RC3H1: variants seen among roughly 807,000 people sequenced by gnomAD.
RC3H1 encodes the protein roquin-1.
In RC3H1, 50 loss-of-function variants were observed where a neutral mutation model predicts 138.2. That is an observed-to-expected ratio of 0.36 (90% CI 0.29 to 0.46). The LOEUF is 0.46. Ranked by LOEUF, RC3H1 falls within the 20% of genes least tolerant of loss-of-function variation. The pLI, the probability that RC3H1 is intolerant of heterozygous loss-of-function variation, is 1.00. For missense variants in RC3H1, 1,031 were observed against 1,388.1 expected (o/e 0.74, Z 4.09); for synonymous variants, 462 against 489.1 (o/e 0.94, Z 0.73).
rs758328348 is a variant in RC3H1 at position 173,947,481 on chromosome 1, T to C, written c.2625A>G (p.Thr875=). 1.9e-6 allele frequency: 3 copies of C among 1,613,892 alleles called. No individual in the cohort carries two copies. The East Asian group carries it at 6.7e-5, about 36-fold the overall frequency. Reference sequence around the variant, plus strand: ...GTGAGATGGCACCAAACCGAGACACTGTTGGTCGGTCTCCAAATGGGATGA... The same window carrying C: ...GTGAGATGGCACCAAACCGAGACACCGTTGGTCGGTCTCCAAATGGGATGA... ...DDLIPFGDRP[T]VSRFGAISRT... Residue 875 remains threonine (T), a synonymous_variant, in exon 15 of 20, where the codon ACA becomes ACG. Coordinates refer to ENST00000367696, the MANE Select transcript of RC3H1 (RefSeq NM_172071.4).
chr1:173,983,752 T>C (rs1325928218), intron 3 of RC3H1, 95 bp from the exon 4 acceptor site: 2 of 1,239,464 alleles, frequency 1.6e-6, no homozygotes, highest in Admixed American at 1.9e-5. Context: ...GGTATGTGAC[T>C]AGTTCTGGGA....
At chr1:173,959,542 G>A (rs552279795) in intron 13 of RC3H1, among the ~76,000 whole-genome samples, 1 of 151,970 alleles carries the variant, frequency 6.6e-6, no homozygotes, top group East Asian at 1.9e-4. Flanking sequence ...AGGCCAAGAC[G>A]GGCAGATCAC....
intron 19 of RC3H1, among the ~76,000 whole-genome samples, chr1:173,939,446 A>T (rs1368601624): frequency 1.3e-5 from 2 of 148,812 alleles, no homozygotes; most frequent in Non-Finnish European, 3.0e-5. Context: ...CACAAGAATC[A>T]CTTGAACCTG....
chr1:173,986,114 T>A lies in RC3H1; in HGVS notation c.232-1495A>T, dbSNP rs182917065. On this transcript the variant is annotated intron_variant, in intron 2 of 19. Transcript: ENST00000367696. ...TCGGCTCACTGCAACCTCCGCCTCCTGGGTTCCAGCGATTCTTCTGCCTCA... is the reference window on the plus strand; with the variant it reads ...TCGGCTCACTGCAACCTCCGCCTCCAGGGTTCCAGCGATTCTTCTGCCTCA... 4.4e-4 allele frequency among the ~76,000 whole-genome samples: 66 copies of A among 150,590 alleles called. 1 individual carries two copies. The East Asian group carries it at 0.012, about 28-fold the overall frequency.
intron 2 of RC3H1, among the ~76,000 whole-genome samples, chr1:173,989,170 A>G (rs531093637): frequency 2.3e-3 from 353 of 152,040 alleles, no homozygotes; most frequent in Non-Finnish European, 4.2e-3. Flanking sequence ...ATAGGTGGGA[A>G]TACAGGCATG....
chr1:173,988,343 T>C (rs1001790920), intron 2 of RC3H1, among the ~76,000 whole-genome samples: 12 of 152,234 alleles, frequency 7.9e-5, no homozygotes, highest in African/African-American at 2.9e-4. Flanking sequence ...GGCCTTTTCA[T>C]ACTGGTATCT....
At chr1:173,975,939 G>C (rs555446379) in intron 7 of RC3H1, among the ~76,000 whole-genome samples, 1 of 110,134 alleles carries the variant, frequency 9.1e-6, no homozygotes, top group South Asian at 3.4e-4. Context: ...AAAAAATACA[G>C]TAAATTTGTG....
chr1:173,976,662 T>C (rs1323592262), intron 7 of RC3H1, among the ~76,000 whole-genome samples: 1 of 152,006 alleles, frequency 6.6e-6, no homozygotes, highest in Non-Finnish European at 1.5e-5. Context: ...GGGTCAAAAA[T>C]GGTTTAGGAA....
intron 6 of RC3H1, 123 bp from the exon 7 acceptor site, chr1:173,978,743 C>T (rs951032553): frequency 2.0e-6 from 2 of 1,012,070 alleles, no homozygotes; most frequent in South Asian, 1.9e-5. Flanking sequence ...ATATACCCTA[C>T]ACTTTGGCCA....
intron 17 of RC3H1, among the ~76,000 whole-genome samples, chr1:173,946,180 C>A (rs762006728): frequency 2.0e-5 from 3 of 151,448 alleles, no homozygotes; most frequent in Non-Finnish European, 4.4e-5. Context: ...AAAAGAAAAC[C>A]AAAACAAACA....
In RC3H1 at chr1:173,934,358, T is replaced by A. The variant is rs1658496872; in HGVS notation, c.*4363A>T. Reference sequence around the variant, plus strand: ...TAGCAGAAGCTGGGGTGGGCACAAATGCTTATACACAATATTACAAAAGAC... The same window carrying A: ...TAGCAGAAGCTGGGGTGGGCACAAAAGCTTATACACAATATTACAAAAGAC... On this transcript the variant is annotated 3_prime_UTR_variant, in exon 20 of 20. Coordinates refer to ENST00000367696, the MANE Select transcript of RC3H1 (RefSeq NM_172071.4). 6.6e-6 allele frequency: 1 copy of A among 152,170 alleles called. No homozygotes were observed. The highest frequency in any genetic ancestry group is 6.6e-5 in the Admixed American group (1 of 15,266). The allele number at this position is 152,170 out of a possible 1,614,324, so 9.4% of individuals were successfully genotyped here.
rs1658522806 is a variant in RC3H1 at position 173,935,035 on chromosome 1, T to C, written c.*3686A>G. 6.6e-6 allele frequency: 1 copy of C among 152,206 alleles called. No individual in the cohort carries two copies. The highest frequency in any genetic ancestry group is 2.1e-4 in the South Asian group (1 of 4,824). The allele number at this position is 152,206 out of a possible 1,614,324, so 9.4% of individuals were successfully genotyped here. On this transcript the variant is annotated 3_prime_UTR_variant, in exon 20 of 20. Coordinates refer to ENST00000367696, the MANE Select transcript of RC3H1 (RefSeq NM_172071.4). The stretch of plus-strand genomic sequence containing the variant: ...ATTAATGCTGTACCAAACAATTTTT[T>C]AAATACATTCTGAGTAGTTGAATAT...
chr1:173,981,099 C>T (rs1483166725), intron 5 of RC3H1, 90 bp from the exon 6 acceptor site: 5 of 1,070,284 alleles, frequency 4.7e-6, no homozygotes, highest in Non-Finnish European at 6.8e-6. Context: ...ACAAATTTAG[C>T]ATCAACAGCA....
chr1:173,954,247 A>G (rs972388491), intron 13 of RC3H1, among the ~76,000 whole-genome samples: 1 of 152,192 alleles, frequency 6.6e-6, no homozygotes. Context: ...ATTCAGACAT[A>G]AAAAAATAAA....
At chr1:174,020,911 A>T (rs1295926217) in intron 1 of RC3H1, among the ~76,000 whole-genome samples, 1 of 152,154 alleles carries the variant, frequency 6.6e-6, no homozygotes, top group African/African-American at 2.4e-5. Flanking sequence ...CCGGATGGTG[A>T]GGCAGGAGAA....
intron 1 of RC3H1, among the ~76,000 whole-genome samples, chr1:174,000,341 T>G (rs557567966): frequency 2.0e-4 from 30 of 152,234 alleles, no homozygotes; most frequent in Non-Finnish European, 4.0e-4. Context: ...TATTATAGGT[T>G]CATTTTATAT....
chr1:173,989,009 T>C (rs906855862), intron 2 of RC3H1, among the ~76,000 whole-genome samples: 2 of 152,218 alleles, frequency 1.3e-5, no homozygotes, highest in Non-Finnish European at 2.9e-5. Flanking sequence ...TTTGCTTTCT[T>C]GTTGGTATCT....
Position 174,000,046 on chromosome 1 carries a change from T to G in RC3H1, c.-150-6911A>C, listed in dbSNP as rs542100916. Among the ~76,000 whole-genome samples the G allele has an allele frequency of 1.8e-3, 269 of 152,322 alleles. 2 individuals carry two copies. Among genetic ancestry groups the G allele is most frequent in the African/African-American group, 6.2e-3 (256 of 41,574 alleles). On this transcript the variant is annotated intron_variant, in intron 1 of 19. Transcript: ENST00000367696. The stretch of plus-strand genomic sequence containing the variant: ...GAGTGACAGAAATGCCTTAAAATTG[T>G]ATGGTAGTAATGGTTGCACAACTCT...
At chr1:173,980,753 T>C (rs1032718132) in intron 6 of RC3H1, 56 bp downstream of exon 6, 44 of 1,364,960 alleles carry the variant, frequency 3.2e-5, no homozygotes, top group Non-Finnish European at 4.6e-5. Flanking sequence ...ATTTGTTAAA[T>C]GAATTACCAA....
Sources: allele counts gnomAD v4.1 joint callset (sites outside exome capture counted in the v4.1 genomes callset), GRCh38; gene constraint gnomAD v4.1.1; transcripts MANE v1.5; gene names NCBI Gene and HGNC (gene_info 2026-07-23, HGNC 2026-07-21).